ISCA1: variants seen among roughly 807,000 people sequenced by gnomAD.
ISCA1 encodes iron-sulfur cluster assembly 1 homolog, mitochondrial.
A neutral mutation model predicts 14.7 loss-of-function variants in ISCA1; 9 were observed. The ratio of observed to expected loss-of-function variants is 0.61; its 90% confidence interval spans 0.37 to 1.07. The LOEUF is 1.07. ISCA1 is among the 50% of genes least tolerant of loss of function. The pLI, the probability that ISCA1 is intolerant of heterozygous loss-of-function variation, is 0.01. For synonymous variants in ISCA1, 38 were observed against 54.3 expected (o/e 0.70, Z 1.32); for missense variants, 102 against 150.1 (o/e 0.68, Z 1.67).
rs185881391 is a variant in ISCA1, at chr9:86,277,303, T to C, written c.82-3061A>G. Among the ~76,000 whole-genome samples, 9 of 152,314 alleles carry C rather than the reference T, an allele frequency of 5.9e-5. No homozygotes were observed. The East Asian group carries it at 9.6e-4, about 16-fold the overall frequency. ...AGCTGCTGTTACAGGAACTAAAATATGTCTTAATTTTCCTGTGCCAGGCCA... is the reference window on the plus strand; with the variant it reads ...AGCTGCTGTTACAGGAACTAAAATACGTCTTAATTTTCCTGTGCCAGGCCA... On this transcript the variant is annotated intron_variant, in intron 1 of 3. Transcript: ENST00000375991.
intron 1 of ISCA1, among the ~76,000 whole-genome samples, chr9:86,280,724 T>C (rs1014015270): frequency 1.3e-5 from 2 of 151,216 alleles, no homozygotes; most frequent in African/African-American, 4.9e-5. Flanking sequence ...CCTGAGGCAG[T>C]GGACTGCTTG....
intron 3 of ISCA1, among the ~76,000 whole-genome samples, chr9:86,268,385 TA>T (rs1825317983): frequency 7.5e-6 from 1 of 133,892 alleles, no homozygotes; most frequent in Non-Finnish European, 1.6e-5. Context: ...AATAAGAACG[TA>T]AAAAATTTTT....
intron 1 of ISCA1, among the ~76,000 whole-genome samples, chr9:86,279,820 A>G (rs1825486864): frequency 6.6e-6 from 1 of 152,234 alleles, no homozygotes; most frequent in Admixed American, 6.5e-5. Context: ...CTGATGATAA[A>G]CTAAGCACAA....
intron 3 of ISCA1, chr9:86,267,493 C>G: frequency 1.0e-6 from 1 of 976,226 alleles, no homozygotes; most frequent in South Asian, 4.7e-5. Context: ...GTGCATACTT[C>G]CAATGACAAG....
At chr9:86,282,311 G>A in intron 1 of ISCA1, 67 bp downstream of exon 1, 2 of 1,488,110 alleles carry the variant, frequency 1.3e-6, no homozygotes, top group Non-Finnish European at 1.8e-6. Context: ...CGGCCGCCGT[G>A]ACCTCCCCTT....
chr9:86,276,920 C>T (rs535772259), intron 1 of ISCA1, among the ~76,000 whole-genome samples: 8 of 147,484 alleles, frequency 5.4e-5, no homozygotes, highest in African/African-American at 1.8e-4. Context: ...AAAATATCCG[C>T]GGGAACTAAA....
chr9:86,274,298 T>C lies in ISCA1; in HGVS notation c.82-56A>G, dbSNP rs1390098299. The C allele has an allele frequency of 4.4e-6, 5 of 1,144,264 alleles. No homozygotes were observed. In the African/African-American group the frequency reaches 7.6e-5, roughly 17 times the overall value. 70.9% of individuals were successfully genotyped at this position (1,144,264 alleles called of 1,614,324 possible). A position where few individuals can be genotyped will look rare whatever the true frequency, so the allele number is the denominator to read the frequency against. ...AAAACTTGTTATTCAAAGCCTCATA[T>C]TTATCAGTCTTCGTAAGTCTGTCTT... On this transcript the variant is annotated intron_variant, in intron 1 of 3. Coordinates refer to ENST00000375991, the MANE Select transcript of ISCA1 (RefSeq NM_030940.4).
chr9:86,277,152 A>G (rs1009843891), intron 1 of ISCA1, among the ~76,000 whole-genome samples: 5 of 152,330 alleles, frequency 3.3e-5, no homozygotes, highest in South Asian at 2.1e-4. Flanking sequence ...AAACACTTAA[A>G]TACAGTAAAT....
intron 3 of ISCA1, chr9:86,267,139 T>A (rs934354584): frequency 1.7e-5 from 3 of 174,496 alleles, no homozygotes; most frequent in African/African-American, 7.2e-5. Flanking sequence ...GTGGGAGGAC[T>A]GCTTGAGCCC....
rs1825292635 is a variant in ISCA1 at position 86,266,305 on chromosome 9, C to A, written c.242-114G>T. On this transcript the variant is annotated intron_variant, in intron 3 of 3. Transcript: ENST00000375991. ...TATCAATGAAAGTCAAACAAGAAGC[C>A]TTGAACATTTTAAATTATTTCCTTA... 6 of 1,439,112 alleles carry A rather than the reference C, an allele frequency of 4.2e-6. No homozygotes were observed. In the East Asian group the frequency reaches 7.1e-5, roughly 17 times the overall value. 89.1% of individuals were successfully genotyped at this position (1,439,112 alleles called of 1,614,324 possible).
chr9:86,275,618 T>C (rs1040602623), intron 1 of ISCA1, among the ~76,000 whole-genome samples: 1 of 152,254 alleles, frequency 6.6e-6, no homozygotes, highest in African/African-American at 2.4e-5. Context: ...AACGTGAATG[T>C]TGTTTAGTAA....
chr9:86,272,226 G>A, intron 2 of ISCA1, 114 bp from the exon 3 acceptor site: 1 of 705,644 alleles, frequency 1.4e-6, no homozygotes, highest in Non-Finnish European at 2.5e-6. Context: ...CTTATTTTTT[G>A]TAGGACAGGG....
At chr9:86,274,398 A>T (rs550634286) in intron 1 of ISCA1, among the ~76,000 whole-genome samples, 156 bp from the exon 2 acceptor site, 1 of 152,282 alleles carries the variant, frequency 6.6e-6, no homozygotes, top group Admixed American at 6.5e-5. Context: ...AAACACATAA[A>T]CTATACCTAA....
intron 3 of ISCA1, chr9:86,267,463 A>G (rs1825304471): frequency 1.0e-6 from 1 of 965,152 alleles, no homozygotes; most frequent in Non-Finnish European, 1.2e-6. Flanking sequence ...TCTCCCATGT[A>G]GGTAAGAACT....
chr9:86,277,682 A>C (rs1255166808), intron 1 of ISCA1, among the ~76,000 whole-genome samples: 2 of 152,204 alleles, frequency 1.3e-5, no homozygotes, highest in African/African-American at 4.8e-5. Context: ...CAGAACAACT[A>C]AGAAACATGT....
chr9:86,265,790 G>T lies in ISCA1; in HGVS notation c.*253C>A. 8.8e-6 allele frequency: 5 copies of T among 565,102 alleles called. No individual in the cohort carries two copies. The South Asian group carries it at 1.0e-4, about 11-fold the overall frequency. The allele number at this position is 565,102 out of a possible 1,614,324, so 35.0% of individuals were successfully genotyped here. A position where few individuals can be genotyped will look rare whatever the true frequency, so the allele number is the denominator to read the frequency against. On this transcript the variant is annotated 3_prime_UTR_variant, in exon 4 of 4. Coordinates refer to ENST00000375991, the MANE Select transcript of ISCA1 (RefSeq NM_030940.4). ...AATGGATAAACAGGTGCCCAGGAAG[G>T]CAACTTTAATGAAACTGGTTCTAAA...
intron 1 of ISCA1, among the ~76,000 whole-genome samples, chr9:86,276,977 A>C (rs1427704618): frequency 6.6e-6 from 1 of 151,800 alleles, no homozygotes; most frequent in African/African-American, 2.4e-5. Flanking sequence ...AAAGGCACAG[A>C]TGGGCACACC....
At chr9:86,282,207 A>T (rs757682572) in intron 1 of ISCA1, 171 bp downstream of exon 1, 3 of 684,106 alleles carry the variant, frequency 4.4e-6, no homozygotes, top group Non-Finnish European at 7.1e-6. Context: ...TATCGTTGCA[A>T]AGAGGGGCCG....
intron 1 of ISCA1, among the ~76,000 whole-genome samples, chr9:86,276,919 G>A (rs116609785): frequency 1.0e-3 from 143 of 136,424 alleles, no homozygotes; most frequent in African/African-American, 3.5e-3. Flanking sequence ...GAAAATATCC[G>A]CGGGAACTAA....
Sources: allele counts gnomAD v4.1 joint callset (sites outside exome capture counted in the v4.1 genomes callset), GRCh38; gene constraint gnomAD v4.1.1; transcripts MANE v1.5; gene names NCBI Gene and HGNC (gene_info 2026-07-23, HGNC 2026-07-21).